Variants in PAN3 observed in about 807,000 individuals in gnomAD.
PAN3 encodes poly(A) specific ribonuclease subunit PAN3, also known as PAN2-PAN3 deadenylation complex subunit PAN3.
PAN3 carries 19 observed loss-of-function variants against 96.2 expected under a neutral mutation model. The ratio of observed to expected loss-of-function variants is 0.20; its 90% CI spans 0.14 to 0.29. PAN3 has a LOEUF of 0.29. PAN3 is among the 10% of genes least tolerant of loss of function. The probability of loss-of-function intolerance (pLI) is 1.00; values close to 1 mark genes in which losing one functional copy is unlikely to be tolerated. For missense variants in PAN3, 882 were observed against 1,108.1 expected (o/e 0.80, Z 2.90); for synonymous variants, 433 against 406.6 (o/e 1.06, Z -0.78).
intron 1 of PAN3, among the ~76,000 whole-genome samples, chr13:28,167,394 C>T (rs1373878474): frequency 2.0e-5 from 3 of 151,996 alleles, no homozygotes; most frequent in Admixed American, 6.6e-5. Context: ...CTCCTGACCT[C>T]AGGTGATCTG....
intron 5 of PAN3, among the ~76,000 whole-genome samples, chr13:28,213,702 C>CAAAA (rs779035643): frequency 1.0e-4 from 8 of 78,328 alleles, no homozygotes; most frequent in African/African-American, 2.4e-4. Flanking sequence ...GAAAAAACAG[C>CAAAA]AAAAAAAAAA....
chr13:28,267,079 A>G lies in PAN3; in HGVS notation c.1574-16A>G, dbSNP rs1433940714. 1.3e-6 allele frequency: 2 copies of G among 1,582,440 alleles called. No homozygotes were observed. The highest frequency in any genetic ancestry group is 1.7e-6 in the Non-Finnish European group (2 of 1,160,394). Reference sequence around the variant, plus strand: ...CGTCAATTAGAGTTTACTGGAGTAGAAAAATTGTCTTCCAGGTTTTCGTCT... The same window carrying G: ...CGTCAATTAGAGTTTACTGGAGTAGGAAAATTGTCTTCCAGGTTTTCGTCT... On this transcript the variant is annotated splice_polypyrimidine_tract_variant and intron_variant, in intron 10 of 18. Transcript: ENST00000380958.
chr13:28,289,424 C>A (rs552213818), intron 18 of PAN3, among the ~76,000 whole-genome samples: 16 of 152,178 alleles, frequency 1.1e-4, no homozygotes, highest in African/African-American at 3.6e-4. Context: ...ACCACAGGCA[C>A]ACGCCACCAC....
intron 14 of PAN3, among the ~76,000 whole-genome samples, chr13:28,273,882 T>G (rs1886841684): frequency 6.6e-6 from 1 of 152,240 alleles, no homozygotes; most frequent in Non-Finnish European, 1.5e-5. Flanking sequence ...AAGAAGATTT[T>G]AGTTCACTGA....
chr13:28,161,721 T>C (rs550668738), intron 1 of PAN3, among the ~76,000 whole-genome samples: 3 of 152,326 alleles, frequency 2.0e-5, no homozygotes, highest in African/African-American at 7.2e-5. Context: ...CATGACTGTC[T>C]CCACAGAAGC....
At chr13:28,161,748 G>T (rs539579589) in intron 1 of PAN3, among the ~76,000 whole-genome samples, 7 of 152,324 alleles carry the variant, frequency 4.6e-5, no homozygotes, top group African/African-American at 1.7e-4. Context: ...ATAAGGGCAG[G>T]AAGCACAGTG....
chr13:28,240,751 A>C (rs191997118), intron 6 of PAN3, among the ~76,000 whole-genome samples: 2 of 152,334 alleles, frequency 1.3e-5, no homozygotes, highest in Admixed American at 6.5e-5. Flanking sequence ...TTCTCTGCAA[A>C]GGTTAATTTG....
At chr13:28,217,690 T>A (rs1490875046) in intron 5 of PAN3, among the ~76,000 whole-genome samples, 1 of 152,184 alleles carries the variant, frequency 6.6e-6, no homozygotes, top group Non-Finnish European at 1.5e-5. Flanking sequence ...TTAGAACTAT[T>A]TAAAATATAA....
At position 28,155,402 on chromosome 13, in the gene PAN3, C is replaced by T. The variant is rs111630850; in HGVS notation, c.430+16315C>T. ...GTCAGGAGTTTGAGACCAGCCTGGC[C>T]AACATGGTGAAACCCGTCTCTACCA... On this transcript the variant is annotated intron_variant, in intron 1 of 18. Coordinates refer to ENST00000380958, the MANE Select transcript of PAN3 (RefSeq NM_175854.8). 4.9e-4 allele frequency among the ~76,000 whole-genome samples: 75 copies of T among 151,952 alleles called. No homozygotes were observed. In the East Asian group the frequency reaches 0.014, roughly 29 times the overall value.
intron 1 of PAN3, among the ~76,000 whole-genome samples, chr13:28,173,892 C>T (rs1051296029): frequency 6.6e-6 from 1 of 152,102 alleles, no homozygotes; most frequent in Non-Finnish European, 1.5e-5. Context: ...TTTTGAGAAA[C>T]AGTCTTGAGA....
At chr13:28,262,465 A>G (rs1885820739) in intron 9 of PAN3, among the ~76,000 whole-genome samples, 1 of 152,206 alleles carries the variant, frequency 6.6e-6, no homozygotes, top group Admixed American at 6.5e-5. Flanking sequence ...ATTAAAAGAA[A>G]TATGTCTGGC....
Position 28,260,570 on chromosome 13 carries a change from T to C in PAN3, c.1353+19T>C, listed in dbSNP as rs754900778. ...CCGACAGGTATGCTTTCAGAATTCA[T>C]AGTAGGAATACTTAATGTCTCCTGT... On this transcript the variant is annotated intron_variant, in intron 8 of 18. Transcript: ENST00000380958. The C allele has an allele frequency of 6.4e-7, 1 of 1,555,616 alleles. No individual in the cohort carries two copies.
chr13:28,274,589 A>G (rs1353037812), intron 14 of PAN3, among the ~76,000 whole-genome samples: 1 of 152,028 alleles, frequency 6.6e-6, no homozygotes. Context: ...TTGAAAAACA[A>G]AACTTTTCAT....
At chr13:28,187,674 A>G (rs1269547192) in intron 4 of PAN3, among the ~76,000 whole-genome samples, 1 of 152,222 alleles carries the variant, frequency 6.6e-6, no homozygotes, top group Non-Finnish European at 1.5e-5. Flanking sequence ...GTGTTTATAC[A>G]TGTAAATTAT....
chr13:28,256,615 C>G (rs1175018577), intron 7 of PAN3, 76 bp downstream of exon 7: 11 of 1,424,150 alleles, frequency 7.7e-6, no homozygotes, highest in African/African-American at 4.3e-5. Context: ...GGTCTACCCC[C>G]TCCTGCAGCT....
At chr13:28,257,935 C>G (rs9554294) in intron 7 of PAN3, among the ~76,000 whole-genome samples, 28,840 of 151,158 alleles carry the variant, frequency 0.19, 4,160 homozygotes, top group African/African-American at 0.4. Flanking sequence ...ACCTCAGCCT[C>G]TAGTAGCTGG....
chr13:28,194,795 G>T (rs1036758469), intron 4 of PAN3, among the ~76,000 whole-genome samples: 8 of 151,870 alleles, frequency 5.3e-5, no homozygotes, highest in African/African-American at 1.9e-4. Flanking sequence ...ATTAGTAAGT[G>T]TCTAATTAGG....
At position 28,293,681 on chromosome 13, in the gene PAN3, A is replaced by G. The variant is rs929785957; in HGVS notation, c.*1159A>G. 10 of 152,662 alleles carry G rather than the reference A, an allele frequency of 6.6e-5. No individual in the cohort carries two copies. The highest frequency in any genetic ancestry group is 5.2e-4 in the Admixed American group (8 of 15,292). The allele number at this position is 152,662 out of a possible 1,614,324, so 9.5% of individuals were successfully genotyped here. ...GATATTCCTGAATAAGTCCATCTCAAAAGTTTGGGATTTTCCTCCTCTTAA... is the reference window on the plus strand; with the variant it reads ...GATATTCCTGAATAAGTCCATCTCAGAAGTTTGGGATTTTCCTCCTCTTAA... On this transcript the variant is annotated 3_prime_UTR_variant, in exon 19 of 19. Transcript: ENST00000380958.
chr13:28,221,379 T>C (rs1341339832), intron 6 of PAN3, among the ~76,000 whole-genome samples: 1 of 151,674 alleles, frequency 6.6e-6, no homozygotes, highest in African/African-American at 2.4e-5. Flanking sequence ...ATGAAATATA[T>C]ACACACACTA....
Sources: gnomAD v4.1 joint callset for allele counts (sites outside exome capture counted in the v4.1 genomes callset) on GRCh38, gnomAD v4.1.1 for gene constraint, MANE v1.5 for transcripts, NCBI Gene and HGNC (gene_info 2026-07-23, HGNC 2026-07-21) for gene names.